Variants in PIBF1 observed in about 807,000 individuals in gnomAD.
PIBF1 encodes progesterone-induced-blocking factor 1.
Under a neutral mutation model 112.5 loss-of-function variants are expected in PIBF1, and 90 were observed. That is an observed-to-expected ratio of 0.80 (90% CI 0.67 to 0.95). The LOEUF is 0.95. Ranked by LOEUF, PIBF1 falls within the 40% of genes least tolerant of loss-of-function variation. PIBF1 has a pLI of 0.00. For missense variants in PIBF1, 915 were observed against 852.3 expected (o/e 1.07, Z -0.92); for synonymous variants, 301 against 288.6 (o/e 1.04, Z -0.44).
intron 14 of PIBF1, among the ~76,000 whole-genome samples, chr13:72,958,033 T>C (rs954460955): frequency 5.3e-5 from 8 of 151,594 alleles, no homozygotes; most frequent in Non-Finnish European, 1.2e-4. Context: ...CCTGAGAGAC[T>C]GAAGTGGGAA....
At chr13:72,792,599 G>T in intron 3 of PIBF1, 52 bp downstream of exon 3, 1 of 913,870 alleles carries the variant, frequency 1.1e-6, no homozygotes, top group South Asian at 1.7e-5. Flanking sequence ...GCAATTAAAA[G>T]TAATTTTATT....
At chr13:72,996,414 T>C (rs564339622) in intron 16 of PIBF1, among the ~76,000 whole-genome samples, 1 of 152,146 alleles carries the variant, frequency 6.6e-6, no homozygotes, top group Non-Finnish European at 1.5e-5. Flanking sequence ...TGAACTAGAT[T>C]AGGCAGCCTA....
intron 10 of PIBF1, among the ~76,000 whole-genome samples, chr13:72,868,193 C>T (rs535800564): frequency 3.0e-4 from 46 of 152,042 alleles, no homozygotes; most frequent in African/African-American, 1.1e-3. Flanking sequence ...CTCAGCTCCT[C>T]AGGAGGCTGA....
intron 2 of PIBF1, among the ~76,000 whole-genome samples, chr13:72,791,003 C>A (rs919471395): frequency 5.3e-5 from 8 of 151,970 alleles, no homozygotes; most frequent in African/African-American, 1.9e-4. Flanking sequence ...GATTTACTTG[C>A]ATATGTTATG....
intron 5 of PIBF1, among the ~76,000 whole-genome samples, chr13:72,819,204 T>C (rs569414869): frequency 6.6e-6 from 1 of 152,224 alleles, no homozygotes; most frequent in African/African-American, 2.4e-5. Flanking sequence ...CTGTGGCCTG[T>C]AGCAAATTGA....
At chr13:73,007,378 C>T (rs1165099211) in intron 17 of PIBF1, among the ~76,000 whole-genome samples, 1 of 151,094 alleles carries the variant, frequency 6.6e-6, no homozygotes, top group Non-Finnish European at 1.5e-5. Context: ...CTGACTGCAG[C>T]CTCCACCTCC....
At position 73,010,810 on chromosome 13, in the gene PIBF1, C is replaced by CTTTTTTTT. The variant is rs1176079981; in HGVS notation, c.2224-5036_2224-5029dup. On this transcript the variant is annotated intron_variant, in intron 17 of 17. Coordinates refer to ENST00000326291, the MANE Select transcript of PIBF1 (RefSeq NM_006346.4). ...CTGAGCTGGAAAATCATTAACTTTT[C>CTTTTTTTT]TTTTTTTTTTTTTTTTTTTTTTTTT... Among the ~76,000 whole-genome samples, 41 of 40,302 alleles carry CTTTTTTTT rather than the reference C, an allele frequency of 1.0e-3. 9 individuals carry two copies. The highest frequency in any genetic ancestry group is 1.7e-3 in the African/African-American group (18 of 10,458). 26.4% of individuals were successfully genotyped at this position (40,302 alleles called of 152,430 possible).
At position 72,786,348 on chromosome 13, in the gene PIBF1, A is replaced by G. The variant is rs372433060; in HGVS notation, c.252+2627A>G. ...AGGCTGCTGTTTTTCTAATGTATTT[A>G]TTCTTTTCATTCCTATAGCTCATTC... On this transcript the variant is annotated intron_variant, in intron 2 of 17. Coordinates refer to ENST00000326291, the MANE Select transcript of PIBF1 (RefSeq NM_006346.4). Among the ~76,000 whole-genome samples the G allele has an allele frequency of 1.2e-4, 19 of 152,134 alleles. No homozygotes were observed. The East Asian group carries it at 2.3e-3, about 18-fold the overall frequency.
intron 5 of PIBF1, among the ~76,000 whole-genome samples, chr13:72,802,052 C>T (rs2035508112): frequency 6.6e-6 from 1 of 152,032 alleles, no homozygotes; most frequent in South Asian, 2.1e-4. Context: ...GTATATAATA[C>T]ATATAACATA....
At position 72,943,766 on chromosome 13, in the gene PIBF1, G is replaced by A. The variant is rs76496621; in HGVS notation, c.1833+12499G>A. ...CTGATTATGTCTTAAGTGTTGACAT[G>A]CCCCAGGGTTCTACCTTGTTTGTTT... On this transcript the variant is annotated intron_variant, in intron 14 of 17. Transcript: ENST00000326291. 6.4e-3 allele frequency among the ~76,000 whole-genome samples: 972 copies of A among 152,256 alleles called. 12 individuals are homozygous for A. The highest frequency in any genetic ancestry group is 0.022 in the African/African-American group (902 of 41,546).
At chr13:72,823,118 TA>T (rs1256927606) in intron 6 of PIBF1, among the ~76,000 whole-genome samples, 1 of 152,052 alleles carries the variant, frequency 6.6e-6, no homozygotes, top group African/African-American at 2.4e-5. Context: ...TAAAAAAGAA[TA>T]AAAATGAAAT....
chr13:72,864,768 G>A (rs1022160860), intron 10 of PIBF1, among the ~76,000 whole-genome samples: 1 of 152,160 alleles, frequency 6.6e-6, no homozygotes, highest in South Asian at 2.1e-4. Flanking sequence ...ATGTTTACTG[G>A]AAGGAAAGTC....
At chr13:72,791,492 A>G (rs2034928365) in intron 2 of PIBF1, among the ~76,000 whole-genome samples, 1 of 152,234 alleles carries the variant, frequency 6.6e-6, no homozygotes, top group Non-Finnish European at 1.5e-5. Flanking sequence ...CAAGCACTTA[A>G]TATTGGCTGA....
intron 5 of PIBF1, among the ~76,000 whole-genome samples, chr13:72,798,433 G>A (rs1205880689): frequency 1.3e-5 from 2 of 152,184 alleles, no homozygotes; most frequent in East Asian, 1.9e-4. Flanking sequence ...AAGCTATGCA[G>A]GGGATCTCTT....
At chr13:72,857,118 T>C (rs2038457993) in intron 10 of PIBF1, among the ~76,000 whole-genome samples, 1 of 152,188 alleles carries the variant, frequency 6.6e-6, no homozygotes, top group Admixed American at 6.5e-5. Context: ...GTTCTGTGGC[T>C]TATATGGAAA....
At chr13:72,829,463 T>C (rs1303161224) in intron 8 of PIBF1, among the ~76,000 whole-genome samples, 2 of 152,200 alleles carry the variant, frequency 1.3e-5, no homozygotes, top group African/African-American at 4.8e-5. Flanking sequence ...GTATAAGGTA[T>C]AAGGAAGGGG....
chr13:72,908,355 A>C (rs951552938), intron 11 of PIBF1, among the ~76,000 whole-genome samples, 176 bp from the exon 12 acceptor site: 1 of 152,192 alleles, frequency 6.6e-6, no homozygotes, highest in Non-Finnish European at 1.5e-5. Context: ...AAACAACTGA[A>C]TTATTTACCT....
At chr13:72,866,734 AT>A (rs2038943695) in intron 10 of PIBF1, among the ~76,000 whole-genome samples, 1 of 152,128 alleles carries the variant, frequency 6.6e-6, no homozygotes, top group South Asian at 2.1e-4. Flanking sequence ...TAGCAATTAA[AT>A]TTTGCTCTAC....
chr13:72,898,908 T>C (rs1594150840), intron 11 of PIBF1, among the ~76,000 whole-genome samples: 1 of 139,254 alleles, frequency 7.2e-6, no homozygotes. Flanking sequence ...AAGAAGAAAA[T>C]CCAAATAACC....
Sources: gnomAD v4.1 joint callset for allele counts (sites outside exome capture counted in the v4.1 genomes callset) on GRCh38, gnomAD v4.1.1 for gene constraint, MANE v1.5 for transcripts, NCBI Gene and HGNC (gene_info 2026-07-23, HGNC 2026-07-21) for gene names.